Variants in CNBD1 observed in about 807,000 individuals in gnomAD.
The protein encoded by CNBD1 is cyclic nucleotide binding domain containing 1.
Under a neutral mutation model 54.4 loss-of-function variants are expected in CNBD1, and 71 were observed. That is an observed-to-expected ratio of 1.30 (90% CI 1.08 to 1.59). The LOEUF is 1.59. Among genes scored for constraint, CNBD1 ranks in the 40% most tolerant of loss-of-function variants. The pLI, the probability that CNBD1 is intolerant of heterozygous loss-of-function variation, is 0.00. For synonymous variants in CNBD1, 182 were observed against 170.7 expected (o/e 1.07, Z -0.51); for missense variants, 659 against 518.0 (o/e 1.27, Z -2.64).
intron 8 of CNBD1, among the ~76,000 whole-genome samples, chr8:87,312,286 T>C (rs1409784125): frequency 1.3e-5 from 2 of 152,138 alleles, no homozygotes; most frequent in African/African-American, 2.4e-5. Flanking sequence ...GCTTTCATTT[T>C]AACCTTTTGT....
chr8:87,223,017 C>T (rs1262017599), intron 5 of CNBD1, among the ~76,000 whole-genome samples: 1 of 148,532 alleles, frequency 6.7e-6, no homozygotes, highest in African/African-American at 2.5e-5. Context: ...ATTTAATGGG[C>T]TGGAAATCAG....
chr8:87,142,443 G>A (rs890921930), intron 4 of CNBD1, among the ~76,000 whole-genome samples: 2 of 152,030 alleles, frequency 1.3e-5, no homozygotes, highest in Non-Finnish European at 2.9e-5. Context: ...ATTTAAGGTG[G>A]ATATAGAATT....
intron 6 of CNBD1, among the ~76,000 whole-genome samples, chr8:87,254,413 T>A (rs1256825666): frequency 6.6e-6 from 1 of 152,192 alleles, no homozygotes; most frequent in Non-Finnish European, 1.5e-5. Flanking sequence ...GTGATATAAT[T>A]TTTGTCATGA....
At chr8:86,937,898 T>G (rs1468407486) in intron 3 of CNBD1, among the ~76,000 whole-genome samples, 2 of 152,146 alleles carry the variant, frequency 1.3e-5, no homozygotes, top group African/African-American at 4.8e-5. Flanking sequence ...AGAAAATAGG[T>G]TTTTCTTTTC....
intron 4 of CNBD1, among the ~76,000 whole-genome samples, chr8:87,068,307 G>A (rs1355559360): frequency 6.6e-6 from 1 of 151,802 alleles, no homozygotes; most frequent in Non-Finnish European, 1.5e-5. Flanking sequence ...TAAAATTTTA[G>A]GTAATATATA....
At chr8:86,925,482 AGTGTGTGTGTGTGTGT>A (rs71275894) in intron 3 of CNBD1, among the ~76,000 whole-genome samples, 2,558 of 141,800 alleles carry the variant, frequency 0.018, 43 homozygotes, top group Non-Finnish European at 0.026. Context: ...CTTACCAAAA[AGTGTGTGTGTGTGTGT>A]GTGTGTGTGT....
chr8:87,347,465 A>C (rs1270299379), intron 8 of CNBD1, among the ~76,000 whole-genome samples: 3 of 148,738 alleles, frequency 2.0e-5, no homozygotes, highest in Non-Finnish European at 4.4e-5. Context: ...AATATACAAT[A>C]AGTATAAGCA....
At chr8:87,229,278 G>C (rs1265342863) in intron 5 of CNBD1, among the ~76,000 whole-genome samples, 3 of 151,854 alleles carry the variant, frequency 2.0e-5, no homozygotes, top group Admixed American at 1.3e-4. Context: ...TCCTCCCCCC[G>C]ATTTTTCTTA....
chr8:87,324,760 GA>G (rs1476939429), intron 8 of CNBD1, among the ~76,000 whole-genome samples: 1 of 147,514 alleles, frequency 6.8e-6, no homozygotes, highest in Non-Finnish European at 1.5e-5. Flanking sequence ...CCAGCTCCTG[GA>G]TTCATTGATT....
At chr8:87,040,642 T>G (rs546865190) in intron 4 of CNBD1, among the ~76,000 whole-genome samples, 1 of 151,962 alleles carries the variant, frequency 6.6e-6, no homozygotes, top group African/African-American at 2.4e-5. Context: ...GCCAGGATGG[T>G]CTCCATCTCC....
At chr8:87,410,371 T>C (rs924655560) in intron 2 of CNBD1, among the ~76,000 whole-genome samples, 1 of 152,168 alleles carries the variant, frequency 6.6e-6, no homozygotes, top group Admixed American at 6.6e-5. Context: ...GAAAATCTTC[T>C]ATAAAGAATT....
At chr8:87,143,002 T>C (rs1443865863) in intron 4 of CNBD1, among the ~76,000 whole-genome samples, 3 of 152,094 alleles carry the variant, frequency 2.0e-5, no homozygotes, top group Non-Finnish European at 2.9e-5. Flanking sequence ...TAGGATCTGA[T>C]TCTAAATTAG....
At chr8:87,360,971 A>G (rs1810513903) in intron 10 of CNBD1, among the ~76,000 whole-genome samples, 1 of 151,944 alleles carries the variant, frequency 6.6e-6, no homozygotes, top group South Asian at 2.1e-4. Context: ...CTTCTTCCCA[A>G]CACATCAGCA....
intron 4 of CNBD1, among the ~76,000 whole-genome samples, chr8:87,153,865 T>C (rs1812658085): frequency 6.6e-6 from 1 of 152,090 alleles, no homozygotes; most frequent in Non-Finnish European, 1.5e-5. Context: ...AGAACAAAAG[T>C]GCATGAAAAA....
rs1013429862 is a variant in CNBD1, at chr8:87,334,331, C to T, written c.1043-17354C>T. The stretch of plus-strand genomic sequence containing the variant: ...TTAATTTTTTCAAAAAAAACAGCTC[C>T]TGGATTCATTGATTTTTTTGAAGGA... On this transcript the variant is annotated intron_variant, in intron 8 of 10. Transcript: ENST00000518476. Among the ~76,000 whole-genome samples, 4 of 151,966 alleles carry T rather than the reference C, an allele frequency of 2.6e-5. No individual in the cohort carries two copies. In the South Asian group the frequency reaches 8.3e-4, roughly 32 times the overall value.
chr8:86,883,263 C>A (rs1258085919), intron 1 of CNBD1, among the ~76,000 whole-genome samples: 1 of 151,802 alleles, frequency 6.6e-6, no homozygotes, highest in East Asian at 1.9e-4. Context: ...AGGAGAGGAT[C>A]ATGTTTTATA....
At chr8:86,868,976 C>T (rs775826157) in intron 1 of CNBD1, among the ~76,000 whole-genome samples, 6 of 152,062 alleles carry the variant, frequency 3.9e-5, no homozygotes, top group Non-Finnish European at 7.4e-5. Flanking sequence ...GAGAAAGACT[C>T]GACTGGCCCT....
At chr8:87,070,366 A>G (rs1810735585) in intron 4 of CNBD1, among the ~76,000 whole-genome samples, 1 of 152,090 alleles carries the variant, frequency 6.6e-6, no homozygotes, top group Non-Finnish European at 1.5e-5. Flanking sequence ...TTGTTGAAGG[A>G]AAAGGTGGAA....
intron 3 of CNBD1, among the ~76,000 whole-genome samples, chr8:86,920,050 A>G (rs144776497): frequency 0.012 from 1,867 of 152,262 alleles, 14 homozygotes; most frequent in Middle Eastern, 0.02. Context: ...TCTATTGGGA[A>G]AAGTTTCTAC....
Sources: allele counts gnomAD v4.1 joint callset (sites outside exome capture counted in the v4.1 genomes callset), GRCh38; gene constraint gnomAD v4.1.1; transcripts MANE v1.5; gene names NCBI Gene and HGNC (gene_info 2026-07-23, HGNC 2026-07-21).